NELL1: variants seen among roughly 807,000 people sequenced by gnomAD.
NELL1 encodes the protein neural EGFL like 1, also known as protein kinase C-binding protein NELL1.
Under a neutral mutation model 107.4 loss-of-function variants are expected in NELL1, and 76 were observed. The ratio of observed to expected loss-of-function variants is 0.71; its 90% confidence interval spans 0.59 to 0.86. The LOEUF (loss-of-function observed/expected upper bound fraction) is 0.86, where lower values mean the gene tolerates loss of function less well. Among genes scored for constraint, NELL1 ranks in the 40% least tolerant of loss-of-function variants. The pLI, the probability that NELL1 is intolerant of heterozygous loss-of-function variation, is 0.00. For synonymous variants in NELL1, 353 were observed against 341.2 expected (o/e 1.03, Z -0.38); for missense variants, 1,024 against 1,005.5 (o/e 1.02, Z -0.25).
intron 16 of NELL1, among the ~76,000 whole-genome samples, chr11:21,541,589 C>T (rs1281178869): frequency 1.3e-5 from 2 of 152,044 alleles, no homozygotes; most frequent in Middle Eastern, 3.2e-3. Flanking sequence ...AGTGACAAAC[C>T]TCACTGAAGG....
rs74714444 is a variant in NELL1 at position 21,118,498 on chromosome 11, G to A, written c.1426+4784G>A. 7.5e-3 allele frequency among the ~76,000 whole-genome samples: 1,147 copies of A among 152,124 alleles called. 7 individuals carry two copies. Among genetic ancestry groups the A allele is most frequent in the Non-Finnish European group, 0.012 (825 of 67,942 alleles). ...CCCATAACCTCTGCCATTTTTTATAGGCAAAGAAGACTTCCTTCCCTTAGT... is the reference window on the plus strand; with the variant it reads ...CCCATAACCTCTGCCATTTTTTATAAGCAAAGAAGACTTCCTTCCCTTAGT... On this transcript the variant is annotated intron_variant, in intron 13 of 19. Coordinates refer to ENST00000357134, the MANE Select transcript of NELL1 (RefSeq NM_006157.5).
intron 16 of NELL1, among the ~76,000 whole-genome samples, chr11:21,544,621 C>T (rs1003854238): frequency 6.6e-6 from 1 of 151,916 alleles, no homozygotes. Flanking sequence ...TCTTTACTCA[C>T]TTTATCCTCA....
intron 4 of NELL1, among the ~76,000 whole-genome samples, chr11:20,864,524 A>T (rs796750325): frequency 6.6e-6 from 1 of 152,210 alleles, no homozygotes; most frequent in Non-Finnish European, 1.5e-5. Flanking sequence ...TTGATCAAAG[A>T]GGGGAAAGAG....
chr11:20,999,154 C>A (rs1852159235), intron 12 of NELL1, among the ~76,000 whole-genome samples: 1 of 152,256 alleles, frequency 6.6e-6, no homozygotes. Context: ...GGTTAAGGTT[C>A]CAAGCCTGTA....
intron 3 of NELL1, among the ~76,000 whole-genome samples, chr11:20,833,017 C>T (rs192070036): frequency 6.6e-6 from 1 of 152,250 alleles, no homozygotes; most frequent in Non-Finnish European, 1.5e-5. Context: ...TTCCCAGTGA[C>T]TCTTATGGGT....
chr11:21,431,633 C>G (rs1852967391), intron 15 of NELL1, among the ~76,000 whole-genome samples: 1 of 152,126 alleles, frequency 6.6e-6, no homozygotes, highest in Admixed American at 6.5e-5. Flanking sequence ...ATTAATGTAT[C>G]CATACACTAC....
chr11:21,293,939 G>A (rs1046233962), intron 14 of NELL1, among the ~76,000 whole-genome samples: 15 of 152,118 alleles, frequency 9.9e-5, no homozygotes, highest in African/African-American at 3.6e-4. Context: ...GGAGAGTGGG[G>A]GACTAGGGGA....
intron 13 of NELL1, among the ~76,000 whole-genome samples, chr11:21,191,305 C>A (rs1258007691): frequency 2.0e-5 from 3 of 151,670 alleles, no homozygotes; most frequent in Non-Finnish European, 4.4e-5. Flanking sequence ...CATATAGCAG[C>A]ATGAGAAGGA....
chr11:21,088,061 G>GTGTT (rs769446006), intron 12 of NELL1, among the ~76,000 whole-genome samples: 9 of 61,562 alleles, frequency 1.5e-4, no homozygotes, highest in African/African-American at 7.6e-4. Context: ...CAGTAGCTCT[G>GTGTT]TGTGTGTGTG....
chr11:21,209,607 T>C (rs1565112300), intron 13 of NELL1, among the ~76,000 whole-genome samples: 1 of 152,014 alleles, frequency 6.6e-6, no homozygotes, highest in Non-Finnish European at 1.5e-5. Flanking sequence ...TAAGATATAA[T>C]TTACATAGTA....
At position 21,451,245 on chromosome 11, in the gene NELL1, G is replaced by T. The variant is rs1313217911; in HGVS notation, c.1645+80297G>T. The stretch of plus-strand genomic sequence containing the variant: ...AGAAAAAGAAAAAAGAAATTGAGAG[G>T]CAAGGACAGAGGAGAGGTTTTGTGC... On this transcript the variant is annotated intron_variant, in intron 15 of 19. Transcript: ENST00000357134. 2.0e-5 allele frequency among the ~76,000 whole-genome samples: 3 copies of T among 151,764 alleles called. No homozygotes were observed. The East Asian group carries it at 5.8e-4, about 29-fold the overall frequency.
chr11:21,322,664 T>G (rs1850039489), intron 14 of NELL1, among the ~76,000 whole-genome samples: 2 of 152,240 alleles, frequency 1.3e-5, no homozygotes, highest in South Asian at 4.2e-4. Context: ...ATCCAATAAA[T>G]TGATTTCATA....
At chr11:20,872,804 G>A (rs1424731975) in intron 4 of NELL1, among the ~76,000 whole-genome samples, 1 of 151,742 alleles carries the variant, frequency 6.6e-6, no homozygotes, top group Non-Finnish European at 1.5e-5. Context: ...TATTTTGTAT[G>A]GGTTGTTTGG....
chr11:21,218,974 A>G (rs182756341), intron 13 of NELL1, among the ~76,000 whole-genome samples: 3 of 152,236 alleles, frequency 2.0e-5, no homozygotes, highest in Non-Finnish European at 2.9e-5. Context: ...TCTTCAATAT[A>G]TAGATTTTTA....
chr11:21,149,919 G>T (rs552189050), intron 13 of NELL1, among the ~76,000 whole-genome samples: 1 of 152,278 alleles, frequency 6.6e-6, no homozygotes, highest in Admixed American at 6.5e-5. Context: ...AAAACAGAGT[G>T]AAGCTGTAAA....
intron 13 of NELL1, among the ~76,000 whole-genome samples, chr11:21,221,411 G>T (rs1414385010): frequency 1.3e-5 from 2 of 152,146 alleles, no homozygotes; most frequent in Non-Finnish European, 2.9e-5. Context: ...AAGTTAGGAA[G>T]AATTACCACC....
At chr11:21,064,871 A>G (rs552794234) in intron 12 of NELL1, among the ~76,000 whole-genome samples, 33 of 152,336 alleles carry the variant, frequency 2.2e-4, no homozygotes, top group Admixed American at 1.0e-3. Context: ...GACCTGGATT[A>G]CCCATTTAAT....
At chr11:21,096,406 T>C (rs1374688831) in intron 12 of NELL1, among the ~76,000 whole-genome samples, 1 of 152,202 alleles carries the variant, frequency 6.6e-6, no homozygotes, top group Non-Finnish European at 1.5e-5. Flanking sequence ...GAGGTTGTAT[T>C]TTCTCCCAGA....
intron 13 of NELL1, among the ~76,000 whole-genome samples, chr11:21,159,515 C>G (rs185215315): frequency 1.3e-5 from 2 of 152,312 alleles, no homozygotes; most frequent in East Asian, 3.9e-4. Flanking sequence ...AAATCAGCAT[C>G]TGTCACCAAA....
Sources: allele counts gnomAD v4.1 joint callset (sites outside exome capture counted in the v4.1 genomes callset), GRCh38; gene constraint gnomAD v4.1.1; transcripts MANE v1.5; gene names NCBI Gene and HGNC (gene_info 2026-07-23, HGNC 2026-07-21).